ARPIN: variants seen among roughly 807,000 people sequenced by gnomAD.
ARPIN encodes the protein UPF0552 protein C15orf38.
ARPIN carries 23 observed loss-of-function variants against 25.9 expected under a neutral mutation model. The observed-to-expected ratio is 0.89, with a 90% CI of 0.64 to 1.26. ARPIN has a LOEUF of 1.26. Ranked by LOEUF, ARPIN falls within the 50% of genes most tolerant of loss-of-function variation. ARPIN has a pLI of 0.00. For synonymous variants in ARPIN, 126 were observed against 131.4 expected, an observed-to-expected ratio of 0.96 and a Z score of 0.28; for missense variants, 333 against 312.2, an observed-to-expected ratio of 1.07 and a Z score of -0.50.
chr15:89,908,154 A>G (rs1897157996), intron 3 of ARPIN, 126 bp downstream of exon 3: 1 of 1,471,540 alleles, frequency 6.8e-7, no homozygotes, highest in Non-Finnish European at 9.1e-7. Context: ...GCCTCAGGCC[A>G]CATACAGGGC....
intron 3 of ARPIN, among the ~76,000 whole-genome samples, chr15:89,906,291 T>C (rs28678152): frequency 0.75 from 114,074 of 152,038 alleles, 42,897 homozygotes; most frequent in East Asian, 0.81. Context: ...CCTGCACCCT[T>C]GGTTAGAGTT....
At chr15:89,909,093 A>T (rs781513208) in intron 2 of ARPIN, among the ~76,000 whole-genome samples, 1 of 152,188 alleles carries the variant, frequency 6.6e-6, no homozygotes. Flanking sequence ...ACTGAAAAGG[A>T]GCCCTGGGTG....
Position 89,905,147 on chromosome 15 carries a change from G to A in ARPIN, c.302-1164C>T, listed in dbSNP as rs192723432. ...AGCAATTCTCCTGCCTTAGCCTTCC[G>A]AGTAGATGGGATTACAGGCGTGTGC... is the stretch of plus-strand genomic sequence containing the variant. On this transcript the variant is annotated intron_variant, in intron 3 of 5. Transcript: ENST00000357484. Among the ~76,000 whole-genome samples, 33 of 151,798 alleles carry A rather than the reference G, an allele frequency of 2.2e-4. No individual in the cohort carries two copies. In the South Asian group the frequency reaches 5.2e-3, roughly 24 times the overall value.
intron 1 of ARPIN, chr15:89,912,543 G>A (rs1897243659): frequency 1.5e-6 from 2 of 1,329,916 alleles, no homozygotes; most frequent in Non-Finnish European, 1.9e-6. Context: ...GCTTTAAGCC[G>A]ATCTGTGTCA....
chr15:89,909,243 G>A (rs891179598), intron 2 of ARPIN, among the ~76,000 whole-genome samples: 10 of 152,150 alleles, frequency 6.6e-5, no homozygotes, highest in African/African-American at 1.9e-4. Context: ...AGTGCCAAGC[G>A]TGAACTGTGC....
Position 89,910,758 on chromosome 15 carries a change from T to C in ARPIN, c.154A>G (p.Thr52Ala), listed in dbSNP as rs369862925. The change falls in exon 2 of 6, where the codon ACT becomes GCT. Residue 52 changes from threonine (T) to alanine (A), a missense_variant. Physicochemically the swap from Thr to Ala is moderately conservative, Grantham distance 58. Coordinates refer to ENST00000357484, the MANE Select transcript of ARPIN (RefSeq NM_182616.4). The part of the protein sequence containing the change: ...IDVSRHSILD[T>A]HGRKERYYVL... The stretch of plus-strand genomic sequence containing the variant: ...AGCATCCTCACCTTCCTGCCATGAG[T>C]GTCCAAGATGCTGTGCCGAGATACA... The C allele has an allele frequency of 6.2e-6, 10 of 1,613,958 alleles. No homozygotes were observed. In the African/African-American group the frequency reaches 9.3e-5, roughly 15 times the overall value.
chr15:89,912,515 C>A, intron 1 of ARPIN: 3 of 1,297,672 alleles, frequency 2.3e-6, no homozygotes, highest in Non-Finnish European at 2.9e-6. Context: ...CTCTCGAGGG[C>A]AGGCGGACAG....
chr15:89,906,102 C>T (rs1294381422), intron 3 of ARPIN, among the ~76,000 whole-genome samples: 2 of 152,156 alleles, frequency 1.3e-5, no homozygotes, highest in Non-Finnish European at 2.9e-5. Context: ...TTGAGCTCCT[C>T]CAGTCTCTGC....
Position 89,895,266 on chromosome 15 carries a change from G to A in ARPIN, c.*6529C>T, listed in dbSNP as rs1380980267. On this transcript the variant is annotated 3_prime_UTR_variant, in exon 6 of 6. Transcript: ENST00000357484. ...TCATGCTGGGAAAGATTTATGATAC[G>A]GAAGTGTTCATGACACCTGTTAAGC... 6.6e-6 allele frequency: 1 copy of A among 152,086 alleles called. No individual in the cohort carries two copies. Among genetic ancestry groups the A allele is most frequent in the Non-Finnish European group, 1.5e-5 (1 of 68,010 alleles). 9.4% of individuals were successfully genotyped at this position (152,086 alleles called of 1,614,324 possible). A position where few individuals can be genotyped will look rare whatever the true frequency, so the allele number is the denominator to read the frequency against.
rs762574908 is a variant in ARPIN, at chr15:89,903,762, G to A, written c.508+15C>T. The A allele has an allele frequency of 6.8e-6, 11 of 1,613,908 alleles. No homozygotes were observed. In the East Asian group the frequency reaches 2.2e-4, roughly 33 times the overall value. ...CACAGGAACAGTGGGCCACAGTGAG[G>A]GTTGCATTGCTCACCCAGGAAGGGA... On this transcript the variant is annotated intron_variant, in intron 4 of 5. Transcript: ENST00000357484.
chr15:89,901,769 G>C lies in ARPIN; in HGVS notation c.*26C>G. ...GTTCCACAATGCTACAGAAGGTGCT[G>C]GTGCCCCCAGAGGCAGCCACGTCCC... On this transcript the variant is annotated 3_prime_UTR_variant, in exon 6 of 6. Transcript: ENST00000357484. The C allele has an allele frequency of 6.2e-7, 1 of 1,612,716 alleles. No individual in the cohort carries two copies. Among genetic ancestry groups the C allele is most frequent in the Non-Finnish European group, 8.5e-7 (1 of 1,178,774 alleles).
chr15:89,908,139 T>G (rs1224473609), intron 3 of ARPIN, 141 bp downstream of exon 3: 3 of 1,365,204 alleles, frequency 2.2e-6, no homozygotes, highest in African/African-American at 2.9e-5. Context: ...GGGGTGGATG[T>G]GGAAGCCTCA....
rs1206932429 is a variant in ARPIN, at chr15:89,903,884, G to A, written c.401C>T (p.Pro134Leu). 6.2e-7 allele frequency: 1 copy of A among 1,613,912 alleles called. No individual in the cohort carries two copies. Among genetic ancestry groups the A allele is most frequent in the Admixed American group, 1.7e-5 (1 of 60,010 alleles). ...ELLALTESLT[P>L]DHTVAFWMPE... The stretch of plus-strand genomic sequence containing the variant: ...CATCCAGAACGCCACTGTGTGGTCG[G>A]GGGTGAGGCTCTCTGTCAGCGCGAG... Residue 134 changes from proline to leucine, a missense_variant, in exon 4 of 6, where the codon CCC becomes CTC. By Grantham distance (98) the Pro-to-Leu change is moderately conservative. Transcript: ENST00000357484.
At chr15:89,912,513 G>A (rs997405404) in intron 1 of ARPIN, 10 of 1,299,610 alleles carry the variant, frequency 7.7e-6, no homozygotes, top group Admixed American at 8.5e-5. Flanking sequence ...CTCTCTCGAG[G>A]GCAGGCGGAC....
intron 2 of ARPIN, among the ~76,000 whole-genome samples, chr15:89,909,505 C>A (rs1399753203): frequency 6.6e-6 from 1 of 152,226 alleles, no homozygotes; most frequent in African/African-American, 2.4e-5. Context: ...GGAGCCCAGG[C>A]TGGGAAAGCA....
intron 3 of ARPIN, among the ~76,000 whole-genome samples, chr15:89,906,302 G>A (rs1772254397): frequency 6.6e-6 from 1 of 152,066 alleles, no homozygotes; most frequent in Non-Finnish European, 1.5e-5. Context: ...GGTTAGAGTT[G>A]AGCTCCTCAG....
Position 89,912,903 on chromosome 15 carries a change from G to A in ARPIN, c.-68C>T. On this transcript the variant is annotated 5_prime_UTR_variant, in exon 1 of 6. Transcript: ENST00000357484. ...GGGCTGGGGGCGCGGCGCGGGAAGT[G>A]CTGCAGGACGCGCGGGGACCCGCGA... 1 of 1,434,860 alleles carries A rather than the reference G, an allele frequency of 7.0e-7. No homozygotes were observed. The highest frequency in any genetic ancestry group is 9.1e-7 in the Non-Finnish European group (1 of 1,101,284). 88.9% of individuals were successfully genotyped at this position (1,434,860 alleles called of 1,614,324 possible). A position where few individuals can be genotyped will look rare whatever the true frequency, so the allele number is the denominator to read the frequency against.
chr15:89,909,131 G>A (rs1456852220), intron 2 of ARPIN, among the ~76,000 whole-genome samples: 1 of 152,180 alleles, frequency 6.6e-6, no homozygotes, highest in Non-Finnish European at 1.5e-5. Context: ...CCTTCCAACA[G>A]CCTGGGACAA....
Position 89,903,937 on chromosome 15 carries a change from C to T in ARPIN, c.348G>A (p.Leu116=). 1.2e-6 allele frequency: 2 copies of T among 1,612,098 alleles called. No homozygotes were observed. The highest frequency in any genetic ancestry group is 1.7e-6 in the Non-Finnish European group (2 of 1,179,998). ...GDTDRLTPEA[L]KGLVNKPELL... ...GCTCTGGCTTGTTGACCAGCCCCTTCAGCGCCTCGGGCGTGAGCCTGTCAG... is the reference window on the plus strand; with the variant it reads ...GCTCTGGCTTGTTGACCAGCCCCTTTAGCGCCTCGGGCGTGAGCCTGTCAG... Residue 116 remains leucine, a synonymous_variant, in exon 4 of 6, where the codon CTG becomes CTA. Coordinates refer to ENST00000357484, the MANE Select transcript of ARPIN (RefSeq NM_182616.4).
Sources: allele counts gnomAD v4.1 joint callset (sites outside exome capture counted in the v4.1 genomes callset), GRCh38; gene constraint gnomAD v4.1.1; transcripts MANE v1.5; gene names NCBI Gene and HGNC (gene_info 2026-07-23, HGNC 2026-07-21).